Variants in ACVR1B observed in about 807,000 individuals in gnomAD.
ACVR1B encodes the protein activin receptor type-1B.
A neutral mutation model predicts 55.6 loss-of-function variants in ACVR1B; 15 were observed. That is an observed-to-expected ratio of 0.27 (90% CI 0.18 to 0.42). The LOEUF (loss-of-function observed/expected upper bound fraction) is 0.42, where lower values mean the gene tolerates loss of function less well. Among genes scored for constraint, ACVR1B ranks in the 10% least tolerant of loss-of-function variants. The pLI is 1.00. For synonymous variants in ACVR1B, 247 were observed against 254.6 expected (o/e 0.97, Z 0.28); for missense variants, 359 against 670.1 (o/e 0.54, Z 5.13).
intron 1 of ACVR1B, among the ~76,000 whole-genome samples, chr12:51,963,220 T>A (rs928542219): frequency 6.6e-6 from 1 of 151,910 alleles, no homozygotes; most frequent in Non-Finnish European, 1.5e-5. Flanking sequence ...ATTTTTTAAT[T>A]TTAATTTTAT....
intron 1 of ACVR1B, among the ~76,000 whole-genome samples, chr12:51,967,599 G>A (rs946725837): frequency 1.3e-5 from 2 of 152,128 alleles, no homozygotes; most frequent in Non-Finnish European, 2.9e-5. Flanking sequence ...AAAGGTTGGG[G>A]GAAACCTGCT....
chr12:51,976,234 G>A, intron 2 of ACVR1B, 93 bp from the exon 3 acceptor site: 6 of 1,458,452 alleles, frequency 4.1e-6, no homozygotes, highest in South Asian at 2.4e-5. Flanking sequence ...AGGGAAAGGG[G>A]TCTTTTTCAC....
intron 1 of ACVR1B, among the ~76,000 whole-genome samples, chr12:51,968,564 GTCCCT>G (rs1326413392): frequency 6.6e-6 from 1 of 152,198 alleles, no homozygotes; most frequent in East Asian, 1.9e-4. Context: ...GTCTACCCAT[GTCCCT>G]TCCTTGAATT....
intron 1 of ACVR1B, among the ~76,000 whole-genome samples, chr12:51,968,751 C>T (rs1293669153): frequency 3.3e-5 from 5 of 152,338 alleles, no homozygotes; most frequent in African/African-American, 1.2e-4. Context: ...CTAACCTAAG[C>T]TAACCCACAC....
intron 1 of ACVR1B, among the ~76,000 whole-genome samples, chr12:51,952,152 C>A (rs2120388844): frequency 6.6e-6 from 1 of 152,024 alleles, no homozygotes; most frequent in African/African-American, 2.4e-5. Flanking sequence ...GCCTCCAGCT[C>A]CAAGATTTGG....
At position 51,994,139 on chromosome 12, in the gene ACVR1B, G is replaced by T; in HGVS notation, c.*29G>T. ...CTCCCTCTCTCCACACGGAGCTCCT[G>T]GCAGCGAGAACTACGCACAGCTGCC... On this transcript the variant is annotated 3_prime_UTR_variant, in exon 9 of 9. Coordinates refer to ENST00000257963, the MANE Select transcript of ACVR1B (RefSeq NM_004302.5). The surrounding 1 kb of genome is among the most constrained non-coding windows in gnomAD (Gnocchi z 4.2). The T allele has an allele frequency of 6.2e-7, 1 of 1,610,092 alleles. No individual in the cohort carries two copies. Among genetic ancestry groups the T allele is most frequent in the South Asian group, 1.1e-5 (1 of 91,036 alleles).
At chr12:51,970,531 A>G (rs545081844) in intron 1 of ACVR1B, among the ~76,000 whole-genome samples, 2 of 152,336 alleles carry the variant, frequency 1.3e-5, no homozygotes, top group South Asian at 2.1e-4. Flanking sequence ...TCCTACCTGA[A>G]TATAAAACTG....
Position 51,996,100 on chromosome 12 carries a change from A to G in ACVR1B, c.*1990A>G, listed in dbSNP as rs1357705964. The G allele has an allele frequency of 6.6e-6, 1 of 152,356 alleles. No homozygotes were observed. Among genetic ancestry groups the G allele is most frequent in the African/African-American group, 2.4e-5 (1 of 41,454 alleles). 9.4% of individuals were successfully genotyped at this position (152,356 alleles called of 1,614,324 possible). ...TTGAGCCTAGAATTATTGTTCTTAT[A>G]TAAGATCACTGAAGAAAGAGGAACC... On this transcript the variant is annotated 3_prime_UTR_variant, in exon 9 of 9. Coordinates refer to ENST00000257963, the MANE Select transcript of ACVR1B (RefSeq NM_004302.5).
chr12:51,960,455 T>A (rs1941497238), intron 1 of ACVR1B, among the ~76,000 whole-genome samples: 1 of 152,186 alleles, frequency 6.6e-6, no homozygotes, highest in South Asian at 2.1e-4. Context: ...TGGACTTTTT[T>A]TCTGCTTGTT....
chr12:51,968,233 CA>C (rs1035284433), intron 1 of ACVR1B, among the ~76,000 whole-genome samples: 7 of 150,292 alleles, frequency 4.7e-5, no homozygotes, highest in African/African-American at 1.5e-4. Context: ...AACTGCATCT[CA>C]AAAAAAAAGA....
intron 7 of ACVR1B, 128 bp from the exon 8 acceptor site, chr12:51,991,735 T>C (rs1565623662): frequency 9.7e-7 from 1 of 1,030,478 alleles, no homozygotes; most frequent in East Asian, 2.5e-5. Flanking sequence ...TACTTAGAAT[T>C]AACTAACTTT....
At chr12:51,954,636 A>C (rs1293886711) in intron 1 of ACVR1B, among the ~76,000 whole-genome samples, 1 of 152,240 alleles carries the variant, frequency 6.6e-6, no homozygotes, top group African/African-American at 2.4e-5. Flanking sequence ...GGTTAAAGCC[A>C]GATGGAGGGA....
intron 8 of ACVR1B, among the ~76,000 whole-genome samples, chr12:51,993,423 G>A (rs1942232281): frequency 6.6e-6 from 1 of 152,156 alleles, no homozygotes; most frequent in Non-Finnish European, 1.5e-5. Flanking sequence ...CAAAAGAGCT[G>A]GCCGTTAGCT....
intron 5 of ACVR1B, among the ~76,000 whole-genome samples, chr12:51,984,409 GTCAA>G (rs1942040610): frequency 6.6e-6 from 1 of 152,146 alleles, no homozygotes; most frequent in African/African-American, 2.4e-5. Flanking sequence ...TCAGCTACTT[GTCAA>G]TCAGTGGCTT....
At chr12:51,969,918 T>C (rs905855695) in intron 1 of ACVR1B, among the ~76,000 whole-genome samples, 1 of 152,068 alleles carries the variant, frequency 6.6e-6, no homozygotes, top group African/African-American at 2.4e-5. Context: ...TTAAAAAGTC[T>C]TAAAAAATAA....
At chr12:51,986,655 A>G (rs186214376) in intron 6 of ACVR1B, among the ~76,000 whole-genome samples, 163 bp from the exon 7 acceptor site, 1 of 152,342 alleles carries the variant, frequency 6.6e-6, no homozygotes, top group East Asian at 1.9e-4. Flanking sequence ...CAAATTTAAA[A>G]CATGGGAGTT....
At chr12:51,987,367 T>C in intron 7 of ACVR1B, 1 of 469,268 alleles carries the variant, frequency 2.1e-6, no homozygotes, top group Non-Finnish European at 3.7e-6. Context: ...TGCTAATTTC[T>C]AAATTTATAA....
intron 1 of ACVR1B, among the ~76,000 whole-genome samples, chr12:51,973,314 A>C (rs1941782968): frequency 6.6e-6 from 1 of 152,206 alleles, no homozygotes; most frequent in Non-Finnish European, 1.5e-5. Flanking sequence ...CTTGCTTCCC[A>C]AAATAGAACC....
At chr12:51,983,352 G>C (rs1942015953) in intron 4 of ACVR1B, among the ~76,000 whole-genome samples, 1 of 152,216 alleles carries the variant, frequency 6.6e-6, no homozygotes, top group East Asian at 1.9e-4. Flanking sequence ...AGGATGAGAT[G>C]CCTTTCTGGG....
Sources: gnomAD v4.1 joint callset for allele counts (sites outside exome capture counted in the v4.1 genomes callset) on GRCh38, gnomAD v4.1.1 for gene constraint, Gnocchi (gnomAD v3.1) non-coding constraint, MANE v1.5 for transcripts, NCBI Gene and HGNC (gene_info 2026-07-23, HGNC 2026-07-21) for gene names.